CRKL: variants seen among roughly 807,000 people sequenced by gnomAD.
CRKL encodes the protein CRK like proto-oncogene, adaptor protein.
A neutral mutation model predicts 23.0 loss-of-function variants in CRKL; 3 were observed. The observed-to-expected ratio is 0.13, with a 90% CI of 0.06 to 0.34. CRKL has a LOEUF of 0.34. Ranked by LOEUF, CRKL falls within the 10% of genes least tolerant of loss-of-function variation. The pLI is 1.00. For synonymous variants in CRKL, 188 were observed against 160.7 expected (o/e 1.17, Z -1.28); for missense variants, 256 against 394.5 (o/e 0.65, Z 2.97).
At chr22:20,919,198 C>G (rs1299553134) in intron 1 of CRKL, among the ~76,000 whole-genome samples, 1 of 152,102 alleles carries the variant, frequency 6.6e-6, no homozygotes, top group Non-Finnish European at 1.5e-5. Context: ...CCAGACACCA[C>G]CACTTTTATA....
At position 20,933,838 on chromosome 22, in the gene CRKL, A is replaced by G. The variant is rs1220289351; in HGVS notation, c.371A>G (p.Asn124Ser). ...CCCAACCTGCCTACAGCAGAAGATA[A>G]CCTGGAATATGTACGGACTCTGTAT... The part of the protein sequence containing the change: ...SAPNLPTAED[N>S]LEYVRTLYDF... The change falls in exon 2 of 3, where the codon AAC becomes AGC. Residue 124 changes from asparagine to serine, a missense_variant. Around this residue, in one of 3 missense-constraint regions of CRKL, gnomAD observed 42 missense variants for 32.7 expected, o/e 1.29. Coordinates refer to ENST00000354336, the MANE Select transcript of CRKL (RefSeq NM_005207.4). 6.2e-7 allele frequency: 1 copy of G among 1,614,080 alleles called. No homozygotes were observed. The highest frequency in any genetic ancestry group is 8.5e-7 in the Non-Finnish European group (1 of 1,180,008).
At position 20,950,951 on chromosome 22, in the gene CRKL, C is replaced by A. The variant is rs1010099940; in HGVS notation, c.*1106C>A. On this transcript the variant is annotated 3_prime_UTR_variant, in exon 3 of 3. Coordinates refer to ENST00000354336, the MANE Select transcript of CRKL (RefSeq NM_005207.4). The stretch of plus-strand genomic sequence containing the variant: ...GTGTGCCATGCTATGTGCACAGCCC[C>A]TTGGATTACTTTGTTTTAAAAAGCA... 8 of 232,472 alleles carry A rather than the reference C, an allele frequency of 3.4e-5. No homozygotes were observed. The highest frequency in any genetic ancestry group is 1.7e-5 in the Non-Finnish European group (2 of 117,674). The allele number at this position is 232,472 out of a possible 1,614,324, so 14.4% of individuals were successfully genotyped here.
chr22:20,930,166 C>T (rs2147901339), intron 1 of CRKL, among the ~76,000 whole-genome samples: 1 of 152,234 alleles, frequency 6.6e-6, no homozygotes, highest in Non-Finnish European at 1.5e-5. Context: ...TCTACACAGA[C>T]ATACCCCTCA....
At position 20,951,892 on chromosome 22, in the gene CRKL, G is replaced by T. The variant is rs1397659231; in HGVS notation, c.*2047G>T. The T allele has an allele frequency of 9.0e-6, 2 of 222,580 alleles. No homozygotes were observed. Among genetic ancestry groups the T allele is most frequent in the Non-Finnish European group, 1.8e-5 (2 of 111,526 alleles). The allele number at this position is 222,580 out of a possible 1,614,324, so 13.8% of individuals were successfully genotyped here. On this transcript the variant is annotated 3_prime_UTR_variant, in exon 3 of 3. Coordinates refer to ENST00000354336, the MANE Select transcript of CRKL (RefSeq NM_005207.4). ...CTTGGAGATTAGCCCTTCCTTGCCA[G>T]TGAGAACGGTGACCGCCTCCTGCTC...
chr22:20,947,961 G>A (rs1922128593), intron 2 of CRKL, among the ~76,000 whole-genome samples: 2 of 152,106 alleles, frequency 1.3e-5, no homozygotes, highest in Non-Finnish European at 2.9e-5. Flanking sequence ...TGGGATTACA[G>A]GTGTGAGCCA....
rs1922320328 is a variant in CRKL at position 20,952,641 on chromosome 22, C to G, written c.*2796C>G. On this transcript the variant is annotated 3_prime_UTR_variant, in exon 3 of 3. Transcript: ENST00000354336. ...TCCATAGAGCAGTGCACATCTGACCCAGAGGGTGGGTGTTCATAACTGCTA... is the reference window on the plus strand; with the variant it reads ...TCCATAGAGCAGTGCACATCTGACCGAGAGGGTGGGTGTTCATAACTGCTA... 4.3e-6 allele frequency: 1 copy of G among 232,448 alleles called. No homozygotes were observed. Among genetic ancestry groups the G allele is most frequent in the African/African-American group, 2.2e-5 (1 of 45,298 alleles). 14.4% of individuals were successfully genotyped at this position (232,448 alleles called of 1,614,324 possible). A position where few individuals can be genotyped will look rare whatever the true frequency, so the allele number is the denominator to read the frequency against.
chr22:20,918,955 C>T (rs1254462110), intron 1 of CRKL, among the ~76,000 whole-genome samples: 1 of 121,460 alleles, frequency 8.2e-6, no homozygotes, highest in African/African-American at 3.1e-5. Flanking sequence ...CACCACCCCA[C>T]CCCCACCCCC....
rs562174479 is a variant in CRKL, at chr22:20,917,858, G to C, written c.-77G>C. 929 of 1,430,282 alleles carry C rather than the reference G, an allele frequency of 6.5e-4. 8 individuals are homozygous for C. The South Asian group carries it at 7.0e-3, about 11-fold the overall frequency. 88.6% of individuals were successfully genotyped at this position (1,430,282 alleles called of 1,614,324 possible). ...GAGGCCCTTCCTCGGCCCCAAAGCC[G>C]TCTGCCGGGCTAAGGCGTGCAGAGC... On this transcript the variant is annotated 5_prime_UTR_variant, in exon 1 of 3. Transcript: ENST00000354336.
intron 1 of CRKL, among the ~76,000 whole-genome samples, chr22:20,919,855 A>T (rs910439453): frequency 1.3e-5 from 2 of 152,156 alleles, no homozygotes; most frequent in African/African-American, 2.4e-5. Flanking sequence ...AAAAAAAGCC[A>T]TGACAGTATA....
intron 1 of CRKL, among the ~76,000 whole-genome samples, chr22:20,931,835 G>C (rs898811959): frequency 2.0e-5 from 3 of 151,224 alleles, no homozygotes; most frequent in East Asian, 1.9e-4. Flanking sequence ...TTTTTGAGAC[G>C]GAGTCTCGCT....
chr22:20,953,444 AC>A lies in CRKL; in HGVS notation c.*3600del, dbSNP rs1167793936. 4.4e-6 allele frequency: 1 copy of A among 229,412 alleles called. No individual in the cohort carries two copies. The highest frequency in any genetic ancestry group is 2.3e-5 in the African/African-American group (1 of 42,796). 14.2% of individuals were successfully genotyped at this position (229,412 alleles called of 1,614,324 possible). On this transcript the variant is annotated 3_prime_UTR_variant, in exon 3 of 3. Coordinates refer to ENST00000354336, the MANE Select transcript of CRKL (RefSeq NM_005207.4). ...TTTTAAAACAACAACAACAACAACA[AC>A]AACAACATAAAACTCTTTTGACCTG...
intron 2 of CRKL, among the ~76,000 whole-genome samples, chr22:20,946,721 T>C (rs201364973): frequency 3.7e-4 from 25 of 66,736 alleles, no homozygotes; most frequent in South Asian, 8.9e-4. Flanking sequence ...CACCCCTCCC[T>C]CCAAAAAAAA....
At chr22:20,924,848 A>C (rs1336998599) in intron 1 of CRKL, among the ~76,000 whole-genome samples, 1 of 151,908 alleles carries the variant, frequency 6.6e-6, no homozygotes, top group Non-Finnish European at 1.5e-5. Context: ...CAAAAAAACA[A>C]AAAACAAGAA....
chr22:20,931,605 C>T (rs1921455824), intron 1 of CRKL, among the ~76,000 whole-genome samples: 2 of 152,078 alleles, frequency 1.3e-5, no homozygotes, highest in Admixed American at 1.3e-4. Flanking sequence ...AGTTTAGAAC[C>T]AGACTCCCTG....
In CRKL at chr22:20,941,828, G is replaced by A. The variant is rs140194465; in HGVS notation, c.777+7584G>A. ...AGGCTGCTCTTGAACTCCTGACAACGTGAGCCACTGCACCCGGCCCAGAAA... is the reference window on the plus strand; with the variant it reads ...AGGCTGCTCTTGAACTCCTGACAACATGAGCCACTGCACCCGGCCCAGAAA... On this transcript the variant is annotated intron_variant, in intron 2 of 2. Coordinates refer to ENST00000354336, the MANE Select transcript of CRKL (RefSeq NM_005207.4). Among the ~76,000 whole-genome samples, 57 of 151,492 alleles carry A rather than the reference G, an allele frequency of 3.8e-4. 1 individual carries two copies. The highest frequency in any genetic ancestry group is 1.3e-3 in the African/African-American group (54 of 41,296).
At chr22:20,922,502 A>T (rs1389929708) in intron 1 of CRKL, among the ~76,000 whole-genome samples, 1 of 152,128 alleles carries the variant, frequency 6.6e-6, no homozygotes, top group Non-Finnish European at 1.5e-5. Flanking sequence ...ACTAATAGTG[A>T]CAGTGGAGCT....
intron 1 of CRKL, among the ~76,000 whole-genome samples, chr22:20,927,450 C>T (rs1008225123): frequency 1.3e-5 from 2 of 149,224 alleles, no homozygotes; most frequent in African/African-American, 4.9e-5. Flanking sequence ...CCTCGGCCCC[C>T]TAATGTGCTG....
At position 20,952,882 on chromosome 22, in the gene CRKL, C is replaced by T. The variant is rs763813214; in HGVS notation, c.*3037C>T. ...TTAACGAGGAAGACGATGTGTTGAC[C>T]GGCTGCCGTTTGAGGACTTTGGTCA... On this transcript the variant is annotated 3_prime_UTR_variant, in exon 3 of 3. Transcript: ENST00000354336. 10 of 231,004 alleles carry T rather than the reference C, an allele frequency of 4.3e-5. No individual in the cohort carries two copies. The highest frequency in any genetic ancestry group is 1.2e-4 in the East Asian group (2 of 16,310). 14.3% of individuals were successfully genotyped at this position (231,004 alleles called of 1,614,324 possible).
Position 20,933,415 on chromosome 22 carries a change from C to G in CRKL, c.312-364C>G, listed in dbSNP as rs911213750. 2.0e-5 allele frequency among the ~76,000 whole-genome samples: 3 copies of G among 151,608 alleles called. No homozygotes were observed. The South Asian group carries it at 6.3e-4, about 32-fold the overall frequency. ...GGCATGGTGGCTCATGCTTGTAATC[C>G]CAGCACGTTGGGAGGCCGAGGTGCG... is the stretch of plus-strand genomic sequence containing the variant. On this transcript the variant is annotated intron_variant, in intron 1 of 2. Transcript: ENST00000354336.
Sources: allele counts gnomAD v4.1 joint callset (sites outside exome capture counted in the v4.1 genomes callset), GRCh38; gene constraint gnomAD v4.1.1; regional missense constraint gnomAD v4.1.1; transcripts MANE v1.5; gene names NCBI Gene and HGNC (gene_info 2026-07-23, HGNC 2026-07-21).